Variants in SLC9A9 observed in about 807,000 individuals in gnomAD.
SLC9A9 encodes the protein solute carrier family 9 member A9, also known as sodium/hydrogen exchanger 9.
A neutral mutation model predicts 77.8 loss-of-function variants in SLC9A9; 62 were observed. The ratio of observed to expected loss-of-function variants is 0.80; its 90% CI spans 0.65 to 0.98. SLC9A9 has a LOEUF of 0.98. Among genes scored for constraint, SLC9A9 ranks in the 50% least tolerant of loss-of-function variants. The pLI, the probability that SLC9A9 is intolerant of heterozygous loss-of-function variation, is 0.00. For synonymous variants in SLC9A9, 320 were observed against 283.5 expected (o/e 1.13, Z -1.29); for missense variants, 775 against 774.9 (o/e 1.00, Z 0.00).
intron 1 of SLC9A9, among the ~76,000 whole-genome samples, chr3:143,832,502 C>G (rs1268483537): frequency 6.6e-6 from 1 of 152,152 alleles, no homozygotes; most frequent in Non-Finnish European, 1.5e-5. Context: ...CTAACTCCTT[C>G]TATCCATCCA....
intron 4 of SLC9A9, among the ~76,000 whole-genome samples, chr3:143,731,633 G>A (rs150760982): frequency 1.6e-4 from 25 of 152,192 alleles, no homozygotes; most frequent in African/African-American, 5.5e-4. Flanking sequence ...GTAGTGCCCC[G>A]TGACAAACAT....
intron 4 of SLC9A9, among the ~76,000 whole-genome samples, chr3:143,730,931 C>G (rs1934788160): frequency 6.6e-6 from 1 of 152,180 alleles, no homozygotes; most frequent in African/African-American, 2.4e-5. Context: ...AATCTTGGCT[C>G]ACATTGCTTA....
intron 11 of SLC9A9, among the ~76,000 whole-genome samples, chr3:143,485,776 C>A (rs143083605): frequency 2.6e-5 from 4 of 151,786 alleles, no homozygotes; most frequent in African/African-American, 7.3e-5. Context: ...CTGAAAAAGA[C>A]GTGATGGCAG....
At chr3:143,602,111 T>C (rs1340911905) in intron 6 of SLC9A9, among the ~76,000 whole-genome samples, 1 of 152,242 alleles carries the variant, frequency 6.6e-6, no homozygotes, top group Non-Finnish European at 1.5e-5. Context: ...AGGTTTTATT[T>C]GTCCTTAATA....
At chr3:143,579,360 C>T (rs1407675212) in intron 6 of SLC9A9, among the ~76,000 whole-genome samples, 15 of 152,172 alleles carry the variant, frequency 9.9e-5, no homozygotes, top group Admixed American at 3.3e-4. Flanking sequence ...CCAATTCTGG[C>T]GGCTGCCAAC....
intron 5 of SLC9A9, among the ~76,000 whole-genome samples, chr3:143,688,814 C>A (rs1444236900): frequency 6.6e-6 from 1 of 151,952 alleles, no homozygotes; most frequent in African/African-American, 2.4e-5. Flanking sequence ...CATGACAAAC[C>A]AGGAAAACTG....
intron 4 of SLC9A9, among the ~76,000 whole-genome samples, chr3:143,716,890 A>G (rs1934367303): frequency 6.6e-6 from 1 of 152,162 alleles, no homozygotes; most frequent in Non-Finnish European, 1.5e-5. Flanking sequence ...TGAGAGGCCT[A>G]TGGGAGGCAA....
At chr3:143,338,557 A>G (rs2031994984) in intron 14 of SLC9A9, among the ~76,000 whole-genome samples, 1 of 152,238 alleles carries the variant, frequency 6.6e-6, no homozygotes, top group Admixed American at 6.5e-5. Flanking sequence ...ACATAAATAC[A>G]TATACTTAAA....
chr3:143,479,824 T>C lies in SLC9A9; in HGVS notation c.1316-12634A>G, dbSNP rs2035543736. ...TTTGACAGTCAAACCTTCTTTGGAA[T>C]AAAACTCTCAGTCTCTGATAGAATG... On this transcript the variant is annotated intron_variant, in intron 11 of 15. Transcript: ENST00000316549. Among the ~76,000 whole-genome samples, 3 of 152,322 alleles carry C rather than the reference T, an allele frequency of 2.0e-5. No individual in the cohort carries two copies. The South Asian group carries it at 6.2e-4, about 32-fold the overall frequency.
intron 9 of SLC9A9, among the ~76,000 whole-genome samples, chr3:143,549,763 C>T (rs2036848492): frequency 6.6e-6 from 1 of 152,144 alleles, no homozygotes; most frequent in South Asian, 2.1e-4. Flanking sequence ...TTCTGCTGAG[C>T]AGTCTAGATA....
At chr3:143,281,325 T>G (rs1469618057) in intron 14 of SLC9A9, among the ~76,000 whole-genome samples, 1 of 152,166 alleles carries the variant, frequency 6.6e-6, no homozygotes, top group African/African-American at 2.4e-5. Context: ...TTTAGAAATG[T>G]TTACCACAGT....
intron 11 of SLC9A9, among the ~76,000 whole-genome samples, chr3:143,479,814 T>C (rs1482521577): frequency 6.6e-6 from 1 of 152,192 alleles, no homozygotes; most frequent in South Asian, 2.1e-4. Flanking sequence ...CAGTCAAACC[T>C]TCTTTGGAAT....
chr3:143,390,808 G>C (rs1202945414), intron 12 of SLC9A9, among the ~76,000 whole-genome samples: 2 of 152,222 alleles, frequency 1.3e-5, no homozygotes, highest in Non-Finnish European at 2.9e-5. Context: ...ATTATATCCT[G>C]GGCCTGGCTC....
intron 11 of SLC9A9, among the ~76,000 whole-genome samples, chr3:143,485,433 A>T (rs1350692260): frequency 2.0e-5 from 3 of 152,142 alleles, no homozygotes; most frequent in Non-Finnish European, 4.4e-5. Context: ...ATATTAGGTC[A>T]TTAAAAAATA....
intron 13 of SLC9A9, among the ~76,000 whole-genome samples, chr3:143,364,027 A>G (rs1040225353): frequency 7.9e-5 from 12 of 152,156 alleles, no homozygotes; most frequent in Admixed American, 7.2e-4. Flanking sequence ...GATTTTTGAT[A>G]TATTTCTGCC....
chr3:143,350,133 T>C (rs1443982081), intron 14 of SLC9A9, among the ~76,000 whole-genome samples: 1 of 152,194 alleles, frequency 6.6e-6, no homozygotes, highest in Non-Finnish European at 1.5e-5. Flanking sequence ...TCATGAGGGC[T>C]GGAACCCCAC....
intron 5 of SLC9A9, among the ~76,000 whole-genome samples, chr3:143,655,103 A>G (rs1185887730): frequency 6.6e-6 from 1 of 152,232 alleles, no homozygotes; most frequent in Non-Finnish European, 1.5e-5. Flanking sequence ...TTTGCTGGGA[A>G]CACAAATGAG....
At chr3:143,716,831 A>G (rs1295227999) in intron 4 of SLC9A9, among the ~76,000 whole-genome samples, 1 of 152,208 alleles carries the variant, frequency 6.6e-6, no homozygotes, top group East Asian at 1.9e-4. Context: ...AGAATATAGG[A>G]TGGTACCAAT....
intron 14 of SLC9A9, among the ~76,000 whole-genome samples, chr3:143,316,502 A>G: frequency 6.6e-6 from 1 of 152,348 alleles, no homozygotes; most frequent in Non-Finnish European, 1.5e-5. Flanking sequence ...GGTGCTTCCC[A>G]GAAGAGTTGG....
Sources: gnomAD v4.1 joint callset for allele counts (sites outside exome capture counted in the v4.1 genomes callset) on GRCh38, gnomAD v4.1.1 for gene constraint, MANE v1.5 for transcripts, NCBI Gene and HGNC (gene_info 2026-07-23, HGNC 2026-07-21) for gene names.